The following UNC5C variants were observed in gnomAD, a reference collection of about 807,000 sequenced individuals.
The protein encoded by UNC5C is unc-5 netrin receptor C, also known as netrin receptor UNC5C.
Under a neutral mutation model 99.8 loss-of-function variants are expected in UNC5C, and 47 were observed. The observed-to-expected ratio is 0.47, with a 90% CI of 0.37 to 0.60. The LOEUF (loss-of-function observed/expected upper bound fraction) is 0.60, where lower values mean the gene tolerates loss of function less well. UNC5C is among the 20% of genes least tolerant of loss of function. The pLI is 0.00. For synonymous variants in UNC5C, 487 were observed against 452.2 expected (o/e 1.08, Z -0.98); for missense variants, 1,062 against 1,165.9 (o/e 0.91, Z 1.30).
chr4:95,401,333 T>C (rs1745690555), intron 1 of UNC5C, among the ~76,000 whole-genome samples: 1 of 151,990 alleles, frequency 6.6e-6, no homozygotes, highest in African/African-American at 2.4e-5. Context: ...GAGTCTCACT[T>C]TGTCACCCAG....
intron 1 of UNC5C, among the ~76,000 whole-genome samples, chr4:95,447,480 C>G (rs1747138477): frequency 6.6e-6 from 1 of 152,082 alleles, no homozygotes; most frequent in South Asian, 2.1e-4. Context: ...AAAGTCAGGC[C>G]TGCCTAATTT....
chr4:95,204,600 T>G (rs1180926086), intron 11 of UNC5C, among the ~76,000 whole-genome samples: 1 of 152,236 alleles, frequency 6.6e-6, no homozygotes, highest in Non-Finnish European at 1.5e-5. Context: ...AACTCGAATT[T>G]AAAAGAAAAT....
chr4:95,446,261 G>T (rs1269362577), intron 1 of UNC5C, among the ~76,000 whole-genome samples: 1 of 151,944 alleles, frequency 6.6e-6, no homozygotes, highest in Non-Finnish European at 1.5e-5. Context: ...AGAGGGAAAG[G>T]CTGTAGGAAA....
intron 1 of UNC5C, among the ~76,000 whole-genome samples, chr4:95,518,910 G>C (rs1430471930): frequency 6.6e-6 from 1 of 152,038 alleles, no homozygotes; most frequent in Non-Finnish European, 1.5e-5. Flanking sequence ...AGAGAGATTG[G>C]AATAAAGTTA....
At chr4:95,170,997 A>C (rs1435431295) in intron 14 of UNC5C, among the ~76,000 whole-genome samples, 2 of 152,236 alleles carry the variant, frequency 1.3e-5, no homozygotes, top group Non-Finnish European at 2.9e-5. Flanking sequence ...TTTTTTAAAA[A>C]TCTAATTTTA....
intron 2 of UNC5C, among the ~76,000 whole-genome samples, chr4:95,303,789 ATGTG>A (rs973180802): frequency 1.3e-5 from 2 of 148,708 alleles, no homozygotes; most frequent in Admixed American, 6.6e-5. Context: ...TAAAATAGAT[ATGTG>A]TGTATGTGTA....
chr4:95,548,373 CGA>C (rs1381137314), intron 1 of UNC5C, among the ~76,000 whole-genome samples: 1 of 151,902 alleles, frequency 6.6e-6, no homozygotes, highest in Non-Finnish European at 1.5e-5. Context: ...CCACCCGCAC[CGA>C]GAGTCTTTCC....
chr4:95,251,534 T>C (rs752276773), intron 4 of UNC5C, among the ~76,000 whole-genome samples: 4 of 152,226 alleles, frequency 2.6e-5, no homozygotes, highest in Non-Finnish European at 5.9e-5. Context: ...GTATAAGCTG[T>C]TCTTCTGGAG....
rs542725974 is a variant in UNC5C at position 95,336,370 on chromosome 4, T to C, written c.125-739A>G. Among the ~76,000 whole-genome samples the C allele has an allele frequency of 5.9e-5, 9 of 152,000 alleles. No homozygotes were observed. In the South Asian group the frequency reaches 8.3e-4, roughly 14 times the overall value. On this transcript the variant is annotated intron_variant, in intron 1 of 15. Transcript: ENST00000453304. ...GTTCAGCCTAATAATAATCTTCCAA[T>C]TGGGACAGAGGAGAACAGAGCTATT...
chr4:95,227,916 C>T (rs915086093), intron 7 of UNC5C, among the ~76,000 whole-genome samples: 2 of 152,276 alleles, frequency 1.3e-5, no homozygotes, highest in Middle Eastern at 3.4e-3. Flanking sequence ...GAACGAATGA[C>T]TTTTTTCTAA....
chr4:95,535,063 CTTAT>C (rs1420321848), intron 1 of UNC5C, among the ~76,000 whole-genome samples: 3 of 152,162 alleles, frequency 2.0e-5, no homozygotes, highest in African/African-American at 7.2e-5. Context: ...AAAGCACAAA[CTTAT>C]TTTTTTCATT....
At chr4:95,218,832 T>C (rs1437409471) in intron 9 of UNC5C, 137 bp downstream of exon 9, 5 of 801,216 alleles carry the variant, frequency 6.2e-6, no homozygotes, top group African/African-American at 3.5e-5. Context: ...TCTGTTTACA[T>C]TGAAAGTAGA....
At chr4:95,186,575 G>A (rs1736837910) in intron 12 of UNC5C, among the ~76,000 whole-genome samples, 1 of 152,190 alleles carries the variant, frequency 6.6e-6, no homozygotes, top group Non-Finnish European at 1.5e-5. Flanking sequence ...ATCTTTTGGT[G>A]AGGCAACTAT....
rs896008314 is a variant in UNC5C at position 95,165,326 on chromosome 4, G to C, written c.*3908C>G. 1 of 152,216 alleles carries C rather than the reference G, an allele frequency of 6.6e-6. No individual in the cohort carries two copies. Among genetic ancestry groups the C allele is most frequent in the Non-Finnish European group, 1.5e-5 (1 of 68,050 alleles). The allele number at this position is 152,216 out of a possible 1,614,324, so 9.4% of individuals were successfully genotyped here. A position where few individuals can be genotyped will look rare whatever the true frequency, so the allele number is the denominator to read the frequency against. On this transcript the variant is annotated 3_prime_UTR_variant, in exon 16 of 16. Coordinates refer to ENST00000453304, the MANE Select transcript of UNC5C (RefSeq NM_003728.4). Reference sequence around the variant, plus strand: ...AATAGTATATATGAAAATGGCTAATGATTATGCAGTTTGATATTGAACACC... The same window carrying C: ...AATAGTATATATGAAAATGGCTAATCATTATGCAGTTTGATATTGAACACC...
chr4:95,276,044 A>G (rs72887726), intron 4 of UNC5C, among the ~76,000 whole-genome samples: 19,476 of 152,204 alleles, frequency 0.13, 3,768 homozygotes, highest in African/African-American at 0.42. Context: ...TAAATAATGA[A>G]TGCATTTATA....
At chr4:95,224,279 C>A (rs1348861048) in intron 7 of UNC5C, among the ~76,000 whole-genome samples, 7 of 152,104 alleles carry the variant, frequency 4.6e-5, no homozygotes, top group Admixed American at 4.6e-4. Context: ...CGAGATCTGT[C>A]TCAAAAAATA....
intron 1 of UNC5C, among the ~76,000 whole-genome samples, chr4:95,498,071 G>C (rs1232345828): frequency 3.3e-5 from 5 of 151,870 alleles, no homozygotes; most frequent in Non-Finnish European, 7.4e-5. Flanking sequence ...CTGTAAAATG[G>C]GGATAATAAT....
intron 1 of UNC5C, among the ~76,000 whole-genome samples, chr4:95,482,023 C>A (rs1187666157): frequency 6.6e-6 from 1 of 152,074 alleles, no homozygotes; most frequent in Non-Finnish European, 1.5e-5. Flanking sequence ...TCTAATTAAA[C>A]TAAAGAGCTT....
chr4:95,339,156 T>C (rs1331531841), intron 1 of UNC5C, among the ~76,000 whole-genome samples: 1 of 152,116 alleles, frequency 6.6e-6, no homozygotes, highest in Non-Finnish European at 1.5e-5. Context: ...GAAAACACAA[T>C]TGTTCAGACT....
Sources: allele counts gnomAD v4.1 joint callset (sites outside exome capture counted in the v4.1 genomes callset), GRCh38; gene constraint gnomAD v4.1.1; transcripts MANE v1.5; gene names NCBI Gene and HGNC (gene_info 2026-07-23, HGNC 2026-07-21).